The following NARS2 variants were observed in gnomAD, a reference collection of about 807,000 sequenced individuals.
NARS2 encodes asparaginyl-tRNA synthetase.
A neutral mutation model predicts 62.9 loss-of-function variants in NARS2; 60 were observed. That is an observed-to-expected ratio of 0.95 (90% confidence interval 0.77 to 1.18). The LOEUF is 1.18. NARS2 is among the 50% of genes most tolerant of loss of function. The pLI is 0.00. For missense variants in NARS2, 619 were observed against 576.4 expected, an observed-to-expected ratio of 1.07 and a Z score of -0.76; for synonymous variants, 196 against 200.0, an observed-to-expected ratio of 0.98 and a Z score of 0.17.
Position 78,574,402 on chromosome 11 carries a change from G to C in NARS2, c.87C>G (p.Ser29Arg). 6.2e-7 allele frequency: 1 copy of C among 1,614,208 alleles called. No homozygotes were observed. Among genetic ancestry groups the C allele is most frequent in the Non-Finnish European group, 8.5e-7 (1 of 1,180,036 alleles). ...FPKHKPSAKL[S>R]VRDALGAQNA... ...TCTGAGCCCCGAGAGCGTCCCGCAC[G>C]CTCAGTTTGGCTGAAGGTTTGTGCT... Residue 29 changes from serine to arginine, a missense_variant, in exon 1 of 14, where the codon AGC becomes AGG. Physicochemically the swap from Ser to Arg is moderately radical, Grantham distance 110. Coordinates refer to ENST00000281038, the MANE Select transcript of NARS2 (RefSeq NM_024678.6).
At chr11:78,500,384 A>G (rs1860235431) in intron 6 of NARS2, among the ~76,000 whole-genome samples, 1 of 152,258 alleles carries the variant, frequency 6.6e-6, no homozygotes, top group African/African-American at 2.4e-5. Context: ...TTAACCTAAC[A>G]CCAACTATAT....
At chr11:78,570,513 G>A (rs183770502) in intron 2 of NARS2, among the ~76,000 whole-genome samples, 23 of 152,264 alleles carry the variant, frequency 1.5e-4, no homozygotes, top group African/African-American at 5.3e-4. Flanking sequence ...TCAACCGCCC[G>A]AGTAGTGGAG....
At chr11:78,481,691 G>A (rs1859361661) in intron 7 of NARS2, among the ~76,000 whole-genome samples, 1 of 152,164 alleles carries the variant, frequency 6.6e-6, no homozygotes, top group Non-Finnish European at 1.5e-5. Context: ...ATGTTAGTTA[G>A]TTGTACTATA....
intron 4 of NARS2, among the ~76,000 whole-genome samples, chr11:78,561,321 T>C (rs777862303): frequency 7.2e-5 from 11 of 152,100 alleles, no homozygotes; most frequent in Non-Finnish European, 1.0e-4. Context: ...GTAAAAAGAA[T>C]AAAAGGAAAG....
intron 5 of NARS2, among the ~76,000 whole-genome samples, 198 bp from the exon 6 acceptor site, chr11:78,529,134 G>T (rs568856291): frequency 5.2e-4 from 79 of 152,244 alleles, no homozygotes; most frequent in African/African-American, 1.9e-3. Context: ...AAGGAAGTTT[G>T]TTCCATATTT....
chr11:78,443,321 C>T (rs7952523), intron 12 of NARS2, among the ~76,000 whole-genome samples: 3,059 of 133,088 alleles, frequency 0.023, 93 homozygotes, highest in African/African-American at 0.082. Flanking sequence ...AGCAAGACTC[C>T]GTCTCAAAAA....
At chr11:78,457,566 T>C (rs974716494) in intron 11 of NARS2, among the ~76,000 whole-genome samples, 1 of 152,212 alleles carries the variant, frequency 6.6e-6, no homozygotes, top group African/African-American at 2.4e-5. Context: ...ATGTAACAAG[T>C]TTAAATAAAT....
At chr11:78,501,233 T>A (rs1002154398) in intron 6 of NARS2, among the ~76,000 whole-genome samples, 8 of 152,242 alleles carry the variant, frequency 5.3e-5, no homozygotes, top group African/African-American at 1.7e-4. Flanking sequence ...CTTTTATAAG[T>A]TTCTTTAATG....
At chr11:78,491,906 A>C (rs1277907813) in intron 7 of NARS2, among the ~76,000 whole-genome samples, 2 of 152,164 alleles carry the variant, frequency 1.3e-5, no homozygotes, top group Non-Finnish European at 2.9e-5. Context: ...TTACTGGGTA[A>C]GAGTAGAAAG....
chr11:78,484,656 G>C (rs1859498022), intron 7 of NARS2, among the ~76,000 whole-genome samples: 1 of 152,164 alleles, frequency 6.6e-6, no homozygotes, highest in Admixed American at 6.5e-5. Context: ...CTGGTCATTA[G>C]AAAAATGCAA....
At chr11:78,453,114 T>G (rs568163788) in intron 11 of NARS2, among the ~76,000 whole-genome samples, 1 of 152,350 alleles carries the variant, frequency 6.6e-6, no homozygotes, top group South Asian at 2.1e-4. Flanking sequence ...AGGCTTGAAC[T>G]AAGCAGAAGG....
intron 11 of NARS2, among the ~76,000 whole-genome samples, chr11:78,458,757 T>C (rs1858265622): frequency 1.3e-5 from 2 of 152,120 alleles, no homozygotes; most frequent in Non-Finnish European, 2.9e-5. Context: ...GAAAAAGAAG[T>C]TGATATGGTT....
intron 6 of NARS2, among the ~76,000 whole-genome samples, chr11:78,500,099 T>A (rs1350093110): frequency 1.3e-5 from 2 of 152,184 alleles, no homozygotes; most frequent in African/African-American, 2.4e-5. Context: ...TTCTCAGGCC[T>A]GATACTACAG....
At position 78,499,215 on chromosome 11, in the gene NARS2, C is replaced by T. The variant is rs191288146; in HGVS notation, c.690-6020G>A. On this transcript the variant is annotated intron_variant, in intron 6 of 13. Transcript: ENST00000281038. ...ACAGGCGTGAGCCACCGCGCCCGGC[C>T]CATCCTCAGTCTTAATCTAGTGCCT... 4.8e-3 allele frequency among the ~76,000 whole-genome samples: 734 copies of T among 152,124 alleles called. 2 individuals are homozygous for T. Among genetic ancestry groups the T allele is most frequent in the African/African-American group, 0.017 (711 of 41,518 alleles).
At position 78,436,829 on chromosome 11, in the gene NARS2, T is replaced by C. The variant is rs374003676; in HGVS notation, c.1290-15A>G. The C allele has an allele frequency of 1.4e-4, 218 of 1,612,050 alleles. 1 individual carries two copies. Among genetic ancestry groups the C allele is most frequent in the South Asian group, 7.9e-4 (72 of 90,864 alleles). ...GGTCCAGATACCTGTTTTTCAAAAA[T>C]AGAAAATCATCATCTATATATAGTA... On this transcript the variant is annotated splice_polypyrimidine_tract_variant and intron_variant, in intron 13 of 13. Transcript: ENST00000281038.
intron 11 of NARS2, among the ~76,000 whole-genome samples, chr11:78,450,203 C>T (rs1042925287): frequency 3.9e-5 from 6 of 152,202 alleles, no homozygotes; most frequent in Non-Finnish European, 2.9e-5. Context: ...CTTAAACTTC[C>T]ACCCTCCCAA....
At chr11:78,549,352 C>T (rs922698688) in intron 5 of NARS2, among the ~76,000 whole-genome samples, 1 of 152,224 alleles carries the variant, frequency 6.6e-6, no homozygotes, top group Non-Finnish European at 1.5e-5. Context: ...GAGCCTGACT[C>T]CAACACTGAC....
In NARS2 at chr11:78,478,647, C is replaced by T. The variant is rs757972911; in HGVS notation, c.859G>A (p.Val287Ile). 2 of 1,611,910 alleles carry T rather than the reference C, an allele frequency of 1.2e-6. No individual in the cohort carries two copies. The highest frequency in any genetic ancestry group is 1.7e-6 in the Non-Finnish European group (2 of 1,178,806). The stretch of plus-strand genomic sequence containing the variant: ...ACATCTTCAGGACATTTTGAGAGAA[C>T]CATCATTGTTGTAGCCTTGAACAGT... ...EELFKATTMM[V>I]LSKCPEDVEL... Residue 287 changes from valine to isoleucine, a missense_variant, in exon 8 of 14, where the codon GTT becomes ATT. Coordinates refer to ENST00000281038, the MANE Select transcript of NARS2 (RefSeq NM_024678.6).
chr11:78,549,737 G>A (rs180983413), intron 5 of NARS2, among the ~76,000 whole-genome samples: 24 of 152,278 alleles, frequency 1.6e-4, no homozygotes, highest in Admixed American at 1.6e-3. Flanking sequence ...GGTGGGTGTG[G>A]TCAGGGGAAA....
Sources: allele counts gnomAD v4.1 joint callset (sites outside exome capture counted in the v4.1 genomes callset), GRCh38; gene constraint gnomAD v4.1.1; transcripts MANE v1.5; gene names NCBI Gene and HGNC (gene_info 2026-07-23, HGNC 2026-07-21).